MUC4: variants seen among roughly 807,000 people sequenced by gnomAD.
The protein encoded by MUC4 is mucin 4, cell surface associated, also known as mucin-4.
Under a neutral mutation model 257.9 loss-of-function variants are expected in MUC4, and 202 were observed. The ratio of observed to expected loss-of-function variants is 0.78; its 90% CI spans 0.70 to 0.88. MUC4 has a LOEUF of 0.88. Among genes scored for constraint, MUC4 ranks in the 40% least tolerant of loss-of-function variants. The pLI, the probability that MUC4 is intolerant of heterozygous loss-of-function variation, is 0.00. For synonymous variants in MUC4, 2,351 were observed against 2,757.1 expected (o/e 0.85, Z 4.62); for missense variants, 5,976 against 6,513.7 (o/e 0.92, Z 2.84).
At chr3:195,749,124 T>C in intron 23 of MUC4, 60 bp from the exon 24 acceptor site, 1 of 1,576,462 alleles carries the variant, frequency 6.3e-7, no homozygotes, top group Non-Finnish European at 8.6e-7. Flanking sequence ...ATCAGTACCT[T>C]TTCAGCCACG....
At chr3:195,752,258 T>C in intron 21 of MUC4, 115 bp downstream of exon 21, 2 of 1,015,554 alleles carry the variant, frequency 2.0e-6, no homozygotes, top group Non-Finnish European at 3.1e-6. Context: ...TCCGGCCTCC[T>C]CTGGCAGTTG....
rs751637914 is a variant in MUC4, at chr3:195,782,988, A to T, written c.8592T>A (p.Ser2864=). 1 of 1,188,688 alleles carries T rather than the reference A, an allele frequency of 8.4e-7. No individual in the cohort carries two copies. Among genetic ancestry groups the T allele is most frequent in the African/African-American group, 1.8e-5 (1 of 55,416 alleles). The allele number at this position is 1,188,688 out of a possible 1,614,324, so 73.6% of individuals were successfully genotyped here. ...CTGAGGAAGCGTCGGTGACAGGAAG[A>T]GAGGTGGCGTGACCTGTGGACACTG... The part of the protein sequence containing the change: ...ASSVSTGHAT[S]LPVTDASSVS... Residue 2864 remains serine (S), a synonymous_variant, in exon 2 of 25, where the codon TCT becomes TCA. Transcript: ENST00000463781.
In MUC4 at chr3:195,763,560, A is replaced by G; in HGVS notation, c.14126T>C (p.Val4709Ala). The stretch of plus-strand genomic sequence containing the variant: ...GGAGGAGTTCCCGTCTTGGGCCCCG[A>G]CCAGCAGGAAGTCCCCCAGCCCATT... Reference protein sequence around the residue: ...TFNGLGDFLLVGAQDGNSSFL... With the variant: ...TFNGLGDFLLAGAQDGNSSFL... The change falls in exon 12 of 25, where the codon GTC becomes GCC. Residue 4709 changes from valine (V) to alanine (A), a missense_variant. Physicochemically the swap from Val to Ala is moderately conservative, Grantham distance 64 (BLOSUM62 0). This residue lies in a region of MUC4 where 996 missense variants were observed against 1,137.3 expected (regional missense o/e 0.88). Coordinates refer to ENST00000463781, the MANE Select transcript of MUC4 (RefSeq NM_018406.7). 1 of 1,591,960 alleles carries G rather than the reference A, an allele frequency of 6.3e-7. No individual in the cohort carries two copies. Among genetic ancestry groups the G allele is most frequent in the Non-Finnish European group, 8.6e-7 (1 of 1,168,460 alleles).
Position 195,789,088 on chromosome 3 carries a change from GA to G in MUC4, c.2491del (p.Ser831HisfsTer29), listed in dbSNP as rs1032577316. The G allele has an allele frequency of 3.1e-6, 5 of 1,613,356 alleles. No homozygotes were observed. The Admixed American group carries it at 6.7e-5, about 22-fold the overall frequency. ...GTGACTGTCCCTGGAGGGGTTTGAT[GA>G]AAACCTTGTCGTCTCTCCTGAGGTG... Reference protein sequence around the residue: ...ISTSGETTRFSSNPSRDSHTT... With the variant: ...ISTSGETTRFXSNPSRDSHTT... On this transcript the variant is annotated frameshift_variant, in exon 2 of 25. Coordinates refer to ENST00000463781, the MANE Select transcript of MUC4 (RefSeq NM_018406.7). LOFTEE classifies it high-confidence loss of function.
Position 195,783,121 on chromosome 3 carries a change from G to T in MUC4, c.8459C>A (p.Thr2820Asn), listed in dbSNP as rs1355212705. 1.3e-5 allele frequency: 17 copies of T among 1,289,462 alleles called. No individual in the cohort carries two copies. The East Asian group carries it at 2.1e-4, about 16-fold the overall frequency. 79.9% of individuals were successfully genotyped at this position (1,289,462 alleles called of 1,614,324 possible). Residue 2820 changes from threonine to asparagine, a missense_variant, in exon 2 of 25, where the codon ACC becomes AAC. By Grantham distance (65) the Thr-to-Asn change is moderately conservative. Coordinates refer to ENST00000463781, the MANE Select transcript of MUC4 (RefSeq NM_018406.7). ...ACCTGTGAACACTGAGGAAGCGTCGGTGACAGGAAGAGAGGTGGCGTGACC... is the reference window on the plus strand; with the variant it reads ...ACCTGTGAACACTGAGGAAGCGTCGTTGACAGGAAGAGAGGTGGCGTGACC... ...STGHATSLPV[T>N]DASSVFTGHA...
chr3:195,806,529 C>T (rs138241884), intron 1 of MUC4, among the ~76,000 whole-genome samples: 28 of 152,382 alleles, frequency 1.8e-4, no homozygotes, highest in Non-Finnish European at 4.1e-4. Flanking sequence ...CTGTTTCACT[C>T]TTCACTGTGT....
chr3:195,762,465 G>GCAACGCACCC (rs1719246934), intron 13 of MUC4, among the ~76,000 whole-genome samples: 3 of 143,584 alleles, frequency 2.1e-5, no homozygotes, highest in Non-Finnish European at 4.6e-5. Context: ...GCCACGCACC[G>GCAACGCACCC]GGCCCTGCAC....
rs796407916 is a variant in MUC4, at chr3:195,777,569, C to G, written c.12943+734G>C. On this transcript the variant is annotated intron_variant, in intron 3 of 24. Coordinates refer to ENST00000463781, the MANE Select transcript of MUC4 (RefSeq NM_018406.7). ...ACCTTCCACACCCATACCTTCCACA[C>G]CCATACCTTCCACACCCATACCTTC... Among the ~76,000 whole-genome samples, 465 of 72,856 alleles carry G rather than the reference C, an allele frequency of 6.4e-3. 2 individuals are homozygous for G. Among genetic ancestry groups the G allele is most frequent in the East Asian group, 0.032 (40 of 1,242 alleles). The allele number at this position is 72,856 out of a possible 152,430, so 47.8% of individuals were successfully genotyped here.
At position 195,799,260 on chromosome 3, in the gene MUC4, T is replaced by TGTGAGA. The variant is rs1553889795; in HGVS notation, c.83-7764_83-7763insTCTCAC. ...GTGTGTGTGTGTGTGTGTGTGTGTGTGACACTGTGTGTGTGTGTCCCTGCC... is the reference window on the plus strand; with the variant it reads ...GTGTGTGTGTGTGTGTGTGTGTGTGTGTGAGAGACACTGTGTGTGTGTGTCCCTGCC... On this transcript the variant is annotated intron_variant, in intron 1 of 24. Transcript: ENST00000463781. 5.0e-3 allele frequency among the ~76,000 whole-genome samples: 740 copies of TGTGAGA among 149,204 alleles called. 4 individuals are homozygous for TGTGAGA. Among genetic ancestry groups the TGTGAGA allele is most frequent in the African/African-American group, 6.8e-3 (273 of 40,188 alleles).
rs1349752311 is a variant in MUC4, at chr3:195,757,781, C to T, written c.14987-453G>A. The stretch of plus-strand genomic sequence containing the variant: ...ACTTCCTGGACCTTTCCCAGACACC[C>T]CCTTCAGACACCAGACTGTAGTGAA... On this transcript the variant is annotated intron_variant, in intron 17 of 24. Transcript: ENST00000463781. This position sits in a 1 kb window ranked among gnomAD's most constrained non-coding sequence, Gnocchi z 4.8. 6.6e-6 allele frequency among the ~76,000 whole-genome samples: 1 copy of T among 152,154 alleles called. No homozygotes were observed. Among genetic ancestry groups the T allele is most frequent in the African/African-American group, 2.4e-5 (1 of 41,440 alleles).
rs2550240 is a variant in MUC4 at position 195,769,045 on chromosome 3, G to C, written c.13506C>G (p.Asn4502Lys). Residue 4502 changes from asparagine to lysine, a missense_variant, in exon 7 of 25, where the codon AAC becomes AAG. Asn to Lys is a moderately conservative substitution (Grantham distance 94). Transcript: ENST00000463781. ...ACCTAGAGAAGCCCATGAGCACCGGGTTGCCTGAGCGCTGGGCCACGTCCC... is the reference window on the plus strand; with the variant it reads ...ACCTAGAGAAGCCCATGAGCACCGGCTTGCCTGAGCGCTGGGCCACGTCCC... Reference protein sequence around the residue: ...MQWDVAQRSGNPVLMGFSSGD... With the variant: ...MQWDVAQRSGKPVLMGFSSGD... 0.43 allele frequency: 701,051 copies of C among 1,613,020 alleles called. 157,637 individuals are homozygous for C. Among genetic ancestry groups the C allele is most frequent in the East Asian group, 0.74 (32,964 of 44,840 alleles).
At chr3:195,762,343 A>C (rs1025414329) in intron 13 of MUC4, 89 bp from the exon 14 acceptor site, 1 of 1,364,820 alleles carries the variant, frequency 7.3e-7, no homozygotes, top group Non-Finnish European at 9.9e-7. Flanking sequence ...CACCACCCCC[A>C]CCCCGCCCCT....
chr3:195,764,011 G>T, intron 11 of MUC4, 34 bp downstream of exon 11: 2 of 1,594,028 alleles, frequency 1.3e-6, no homozygotes, highest in Middle Eastern at 2.0e-4. Context: ...CCCCTCCCCA[G>T]AGGCTCTTCC....
rs1241652108 is a variant in MUC4 at position 195,747,330 on chromosome 3, A to C, written c.16085T>G (p.Leu5362Arg). The C allele has an allele frequency of 1.2e-6, 2 of 1,614,096 alleles. No individual in the cohort carries two copies. The highest frequency in any genetic ancestry group is 2.2e-5 in the East Asian group (1 of 44,894). Residue 5362 changes from leucine to arginine, a missense_variant, in exon 25 of 25, where the codon CTG becomes CGG. Around this residue, in one of 44 missense-constraint regions of MUC4, gnomAD observed 310 missense variants for 242.1 expected, o/e 1.28. Transcript: ENST00000463781. ...YTAWGEHCEH[L>R]SMKLDAFFGI... ...GAAGAACGCGTCGAGTTTCATGCTC[A>C]GGTGCTCACAGTGCTCGCCCCAGGC... is the stretch of plus-strand genomic sequence containing the variant.
In MUC4 at chr3:195,762,227, A is replaced by G. The variant is rs1238374946; in HGVS notation, c.14372T>C (p.Val4791Ala). ...CTCAGAGCCGTTGCGGCTCAGGAGG[A>G]CTCCGGTGGCGTTGAACGTCTCCTG... ...GGQETFNATG[V>A]LLSRNGSEVS... Residue 4791 changes from valine to alanine, a missense_variant, in exon 14 of 25, where the codon GTC (valine) becomes GCC (alanine). By Grantham distance (64) the Val-to-Ala change is moderately conservative. Around this residue, in one of 44 missense-constraint regions of MUC4, gnomAD observed 996 missense variants for 1,137.3 expected, o/e 0.88. Transcript: ENST00000463781. 2 of 1,590,138 alleles carry G rather than the reference A, an allele frequency of 1.3e-6. No homozygotes were observed. The highest frequency in any genetic ancestry group is 2.7e-5 in the African/African-American group (2 of 74,154).
chr3:195,763,941 T>C, intron 11 of MUC4, 104 bp downstream of exon 11: 1 of 1,437,310 alleles, frequency 7.0e-7, no homozygotes, highest in African/African-American at 1.4e-5. Context: ...TCTTCCCTTG[T>C]GGCCACAGCT....
chr3:195,794,661 CT>C (rs2149050944), intron 1 of MUC4, among the ~76,000 whole-genome samples: 1 of 152,226 alleles, frequency 6.6e-6, no homozygotes, highest in East Asian at 1.9e-4. Context: ...CGCTCCCACC[CT>C]TTTTTTCAAC....
At chr3:195,759,007 A>G in intron 17 of MUC4, 117 bp downstream of exon 17, 1 of 1,356,482 alleles carries the variant, frequency 7.4e-7, no homozygotes, top group Non-Finnish European at 1.0e-6. Flanking sequence ...TGGATATTCA[A>G]ATGAAAGAGT....
In MUC4 at chr3:195,755,443, G is replaced by A. The variant is rs1717476926; in HGVS notation, c.15169-1071C>T. Among the ~76,000 whole-genome samples, 1 of 152,046 alleles carries A rather than the reference G, an allele frequency of 6.6e-6. No individual in the cohort carries two copies. Among genetic ancestry groups the A allele is most frequent in the Non-Finnish European group, 1.5e-5 (1 of 68,006 alleles). On this transcript the variant is annotated intron_variant, in intron 18 of 24. Coordinates refer to ENST00000463781, the MANE Select transcript of MUC4 (RefSeq NM_018406.7). The surrounding 1 kb of genome is among the most constrained non-coding windows in gnomAD (Gnocchi z 5.0). ...AGTCCTGAGCTCAAGCAATCCGCCT[G>A]CCTCAGGCTCCTATGTGGCCTGCAA...
Sources: allele counts gnomAD v4.1 joint callset (sites outside exome capture counted in the v4.1 genomes callset), GRCh38; gene constraint gnomAD v4.1.1; regional missense constraint gnomAD v4.1.1; non-coding constraint Gnocchi (gnomAD v3.1); transcripts MANE v1.5; gene names NCBI Gene and HGNC (gene_info 2026-07-23, HGNC 2026-07-21).